FRAS1: variants seen among roughly 807,000 people sequenced by gnomAD.
The protein encoded by FRAS1 is extracellular matrix organizing protein FRAS1.
A neutral mutation model predicts 435.2 loss-of-function variants in FRAS1; 290 were observed. The observed-to-expected ratio is 0.67, with a 90% CI of 0.61 to 0.73. The LOEUF is 0.73. FRAS1 is among the 30% of genes least tolerant of loss of function. The pLI is 0.00. For synonymous variants in FRAS1, 1,800 were observed against 1,851.0 expected (o/e 0.97, Z 0.71); for missense variants, 4,860 against 5,001.5 (o/e 0.97, Z 0.85).
intron 2 of FRAS1, among the ~76,000 whole-genome samples, chr4:78,205,766 A>T (rs879940651): frequency 6.6e-6 from 1 of 152,126 alleles, no homozygotes; most frequent in Non-Finnish European, 1.5e-5. Context: ...ACAAAGGCAC[A>T]TTTTGCTGCC....
intron 18 of FRAS1, among the ~76,000 whole-genome samples, chr4:78,331,669 C>G (rs757899301): frequency 6.6e-6 from 1 of 152,146 alleles, no homozygotes; most frequent in Non-Finnish European, 1.5e-5. Context: ...GAGGGTGTCT[C>G]TGCAGTCTGG....
At chr4:78,306,248 G>C (rs1164739569) in intron 14 of FRAS1, among the ~76,000 whole-genome samples, 1 of 151,510 alleles carries the variant, frequency 6.6e-6, no homozygotes, top group Non-Finnish European at 1.5e-5. Context: ...AGTCTGATGG[G>C]CTTCCCTTTG....
At chr4:78,526,150 A>G (rs2109898233) in intron 69 of FRAS1, among the ~76,000 whole-genome samples, 1 of 152,318 alleles carries the variant, frequency 6.6e-6, no homozygotes, top group South Asian at 2.1e-4. Context: ...TTGGGAATGC[A>G]TTGAATAGGG....
In FRAS1 at chr4:78,181,795, G is replaced by A; in HGVS notation, c.109-55715G>A. 5 of 1,612,008 alleles carry A rather than the reference G, an allele frequency of 3.1e-6. No homozygotes were observed. In the South Asian group the frequency reaches 4.4e-5, roughly 14 times the overall value. The stretch of plus-strand genomic sequence containing the variant: ...CTTTCTTGTCAACCACGCCAACGCT[G>A]CGGGGCAGCGGGTTCTTGCGGTCTT... On this transcript the variant is annotated intron_variant, in intron 2 of 73. Transcript: ENST00000512123.
chr4:78,506,295 G>T (rs1341721499), intron 61 of FRAS1, among the ~76,000 whole-genome samples: 1 of 152,258 alleles, frequency 6.6e-6, no homozygotes, highest in Admixed American at 6.5e-5. Context: ...CTGTCAGACA[G>T]GGACGTTTAA....
intron 2 of FRAS1, among the ~76,000 whole-genome samples, chr4:78,219,806 T>C (rs574810640): frequency 2.6e-5 from 4 of 152,336 alleles, no homozygotes; most frequent in South Asian, 2.1e-4. Context: ...AAGGTTTTTT[T>C]CATTGGCAGA....
At chr4:78,437,141 A>G (rs1734461266) in intron 38 of FRAS1, among the ~76,000 whole-genome samples, 1 of 152,172 alleles carries the variant, frequency 6.6e-6, no homozygotes, top group South Asian at 2.1e-4. Flanking sequence ...TTTCAAACCT[A>G]GCAGTTATAT....
At chr4:78,248,930 C>T (rs370579331) in intron 4 of FRAS1, among the ~76,000 whole-genome samples, 8 of 151,010 alleles carry the variant, frequency 5.3e-5, no homozygotes, top group South Asian at 2.1e-4. Context: ...CAGGTAAAAC[C>T]GGGTCCTGTG....
At position 78,482,388 on chromosome 4, in the gene FRAS1, T is replaced by C. The variant is rs1720036263; in HGVS notation, c.8605T>C (p.Tyr2869His). ...AAGTTTGCTTTGGTTTCTCTTCTAGTATTGCACCTTGACTATCTTGGATGA... is the reference window on the plus strand; with the variant it reads ...AAGTTTGCTTTGGTTTCTCTTCTAGCATTGCACCTTGACTATCTTGGATGA... ...VEFGPGVIEQ[Y>H]CTLTILDDTQ... is the part of the protein sequence containing the mutation. The change falls in exon 58 of 74, where the codon TAT becomes CAT. Residue 2869 changes from tyrosine (Y) to histidine (H), a missense_variant and splice_region_variant. Transcript: ENST00000512123. The C allele has an allele frequency of 1.2e-6, 2 of 1,613,852 alleles. No individual in the cohort carries two copies. The highest frequency in any genetic ancestry group is 2.7e-5 in the African/African-American group (2 of 75,024).
At chr4:78,067,672 T>TTATTATTATTA (rs1553915723) in intron 2 of FRAS1, among the ~76,000 whole-genome samples, 1 of 125,750 alleles carries the variant, frequency 8.0e-6, no homozygotes, top group African/African-American at 3.1e-5. Context: ...TTTTCTTTCT[T>TTATTATTATTA]TTATTATTAT....
At chr4:78,523,476 A>G (rs1019735567) in intron 69 of FRAS1, among the ~76,000 whole-genome samples, 4 of 152,176 alleles carry the variant, frequency 2.6e-5, no homozygotes, top group Non-Finnish European at 5.9e-5. Context: ...CCCCATCTGT[A>G]AAAGGGAAGA....
intron 14 of FRAS1, among the ~76,000 whole-genome samples, chr4:78,304,292 A>G (rs1728584445): frequency 6.6e-6 from 1 of 152,314 alleles, no homozygotes; most frequent in Admixed American, 6.5e-5. Context: ...ATCAATGTTC[A>G]TCAAGGATAT....
intron 2 of FRAS1, among the ~76,000 whole-genome samples, chr4:78,175,933 C>T (rs754969619): frequency 6.6e-6 from 1 of 152,086 alleles, no homozygotes; most frequent in African/African-American, 2.4e-5. Flanking sequence ...CATGTGACAC[C>T]ATTACATCCC....
At chr4:78,119,483 G>A (rs975071568) in intron 2 of FRAS1, among the ~76,000 whole-genome samples, 1 of 152,036 alleles carries the variant, frequency 6.6e-6, no homozygotes, top group Admixed American at 6.6e-5. Context: ...GTGTCCTCTA[G>A]TTCCATCTAT....
At chr4:78,427,761 A>G (rs1358481796) in intron 35 of FRAS1, among the ~76,000 whole-genome samples, 2 of 152,366 alleles carry the variant, frequency 1.3e-5, no homozygotes, top group African/African-American at 4.8e-5. Flanking sequence ...TCTCCAAGAC[A>G]TGGAGTGTAC....
At chr4:78,171,665 T>C (rs573630223) in intron 2 of FRAS1, among the ~76,000 whole-genome samples, 1 of 152,266 alleles carries the variant, frequency 6.6e-6, no homozygotes, top group African/African-American at 2.4e-5. Context: ...GTTCTTTGCC[T>C]AGCCTGTGAG....
intron 1 of FRAS1, among the ~76,000 whole-genome samples, chr4:78,058,502 A>G (rs1739586581): frequency 1.3e-5 from 2 of 152,102 alleles, no homozygotes; most frequent in Non-Finnish European, 2.9e-5. Flanking sequence ...ACAGTCTTTC[A>G]TCTTAAAGCC....
intron 5 of FRAS1, 48 bp downstream of exon 5, chr4:78,252,599 C>T (rs749781905): frequency 6.5e-7 from 1 of 1,549,716 alleles, no homozygotes; most frequent in South Asian, 1.2e-5. Context: ...GGGAGGTTCA[C>T]ATGGCTATCG....
chr4:78,265,687 T>C (rs1373858506), intron 7 of FRAS1, among the ~76,000 whole-genome samples: 1 of 152,134 alleles, frequency 6.6e-6, no homozygotes, highest in Non-Finnish European at 1.5e-5. Flanking sequence ...AATGAATGAG[T>C]GAATGTTCTG....
Sources: gnomAD v4.1 joint callset for allele counts (sites outside exome capture counted in the v4.1 genomes callset) on GRCh38, gnomAD v4.1.1 for gene constraint, MANE v1.5 for transcripts, NCBI Gene and HGNC (gene_info 2026-07-23, HGNC 2026-07-21) for gene names.